BCCIP: variants seen among roughly 807,000 people sequenced by gnomAD.
BCCIP encodes the protein BRCA2 and CDKN1A interacting protein.
Under a neutral mutation model 32.8 loss-of-function variants are expected in BCCIP, and 23 were observed. The observed-to-expected ratio is 0.70, with a 90% confidence interval of 0.51 to 0.99. The LOEUF (loss-of-function observed/expected upper bound fraction) is 0.99, where lower values mean the gene tolerates loss of function less well. Ranked by LOEUF, BCCIP falls within the 50% of genes least tolerant of loss-of-function variation. The pLI, the probability that BCCIP is intolerant of heterozygous loss-of-function variation, is 0.00. For missense variants in BCCIP, 378 were observed against 379.8 expected (o/e 1.00, Z 0.04); for synonymous variants, 144 against 137.6 (o/e 1.05, Z -0.33).
At chr10:125,848,801 C>T (rs1944055402) in intron 7 of BCCIP, among the ~76,000 whole-genome samples, 1 of 152,122 alleles carries the variant, frequency 6.6e-6, no homozygotes, top group Admixed American at 6.6e-5. Flanking sequence ...ATTTACTATA[C>T]ACCAGTCACT....
downstream of BCCIP, chr10:125,839,302 G>T: frequency 9.3e-7 from 1 of 1,071,244 alleles, no homozygotes; most frequent in Non-Finnish European, 1.3e-6. Context: ...TACAAAGGAG[G>T]CCACGTAGGT....
At chr10:125,848,003 G>C (rs1944045025) in intron 7 of BCCIP, among the ~76,000 whole-genome samples, 1 of 152,206 alleles carries the variant, frequency 6.6e-6, no homozygotes, top group South Asian at 2.1e-4. Flanking sequence ...CACTGCCTAG[G>C]GGTTGGGGAC....
At position 125,836,149 on chromosome 10, in the gene BCCIP, A is replaced by T. The variant is rs748541630; in HGVS notation, c.820A>T (p.Thr274Ser). The T allele has an allele frequency of 1.9e-6, 3 of 1,614,234 alleles. No individual in the cohort carries two copies. In the Admixed American group the frequency reaches 5.0e-5, roughly 27 times the overall value. Reference protein sequence around the residue: ...FNYSVQEESDTCLGGKWSFDD... With the variant: ...FNYSVQEESDSCLGGKWSFDD... Reference sequence around the variant, plus strand: ...CTACTCAGTGCAGGAGGAGAGCGACACTTGTCTGGGAGGCAAATGGTCTTT... The same window carrying T: ...CTACTCAGTGCAGGAGGAGAGCGACTCTTGTCTGGGAGGCAAATGGTCTTT... Residue 274 changes from threonine to serine, a missense_variant, in exon 7 of 7, where the codon ACT becomes TCT. Transcript: ENST00000278100.
chr10:125,847,104 T>C (rs1564824558), downstream of BCCIP, among the ~76,000 whole-genome samples: 1 of 152,180 alleles, frequency 6.6e-6, no homozygotes, highest in Non-Finnish European at 1.5e-5. Context: ...GGGGAGACTC[T>C]ACACATTTGC....
intron 6 of BCCIP, among the ~76,000 whole-genome samples, chr10:125,834,313 G>A (rs1265612665): frequency 6.6e-6 from 1 of 152,176 alleles, no homozygotes; most frequent in Non-Finnish European, 1.5e-5. Flanking sequence ...TAAGGCATAG[G>A]GAAATGAGGG....
intron 7 of BCCIP, chr10:125,852,196 G>T: frequency 6.9e-7 from 1 of 1,440,482 alleles, no homozygotes; most frequent in Non-Finnish European, 9.4e-7. Context: ...CCATGCTTGT[G>T]TGCATTGCTG....
At chr10:125,836,802 C>G, downstream of BCCIP, 1 of 1,614,144 alleles carries the variant, frequency 6.2e-7, no homozygotes, top group Non-Finnish European at 8.5e-7. Flanking sequence ...AATGTCCTTA[C>G]TTTCACTAGG....
At position 125,834,182 on chromosome 10, in the gene BCCIP, G is replaced by GAGA. The variant is rs1242087217; in HGVS notation, c.774+238_774+240dup. 2.0e-5 allele frequency among the ~76,000 whole-genome samples: 3 copies of GAGA among 152,174 alleles called. No individual in the cohort carries two copies. In the East Asian group the frequency reaches 5.8e-4, roughly 29 times the overall value. ...TGGTTATGAGCATGAGGAGGAGGAG[G>GAGA]AGAAAAGTGATTAACCTGTTAAGAA... On this transcript the variant is annotated intron_variant, in intron 6 of 6. Coordinates refer to ENST00000278100, the MANE Select transcript of BCCIP (RefSeq NM_078468.3).
At position 125,823,695 on chromosome 10, in the gene BCCIP, G is replaced by T. The variant is rs182757952; in HGVS notation, c.138G>T (p.Lys46Asn). ...ACGATGATGACAGTGACAAGGAAAA[G>T]GATGAAGAGGACGAGGTCATTGACG... is the stretch of plus-strand genomic sequence containing the variant. ...DEDDDDSDKE[K>N]DEEDEVIDEE... is the part of the protein sequence containing the mutation. Residue 46 changes from lysine to asparagine, a missense_variant, in exon 1 of 7, where the codon AAG becomes AAT. Coordinates refer to ENST00000278100, the MANE Select transcript of BCCIP (RefSeq NM_078468.3). 2.3e-5 allele frequency: 37 copies of T among 1,614,164 alleles called. No individual in the cohort carries two copies. The Admixed American group carries it at 6.0e-4, about 26-fold the overall frequency.
At position 125,830,615 on chromosome 10, in the gene BCCIP, T is replaced by C; in HGVS notation, c.375T>C (p.Phe125=). The C allele has an allele frequency of 1.2e-6, 2 of 1,610,210 alleles. No individual in the cohort carries two copies. The highest frequency in any genetic ancestry group is 1.7e-6 in the Non-Finnish European group (2 of 1,178,040). Residue 125 remains phenylalanine (F), a synonymous_variant, in exon 4 of 7, where the codon TTT becomes TTC. Coordinates refer to ENST00000278100, the MANE Select transcript of BCCIP (RefSeq NM_078468.3). ...ATGATATGGATGAAGATGAGGTTTT[T>C]GGTTTCATAAGCCTTTTAAATTTAA... ...SNDDMDEDEV[F]GFISLLNLTE...
At chr10:125,836,842 C>G (rs1854705438), downstream of BCCIP, 1 of 1,613,882 alleles carries the variant, frequency 6.2e-7, no homozygotes, top group African/African-American at 1.3e-5. Context: ...TATTGTGGTA[C>G]CAGCTGCATA....
Position 125,847,819 on chromosome 10 carries a change from G to A in BCCIP, c.851-5306G>A, listed in dbSNP as rs1191829012. On this transcript the variant is annotated intron_variant, in intron 7 of 7. Coordinates refer to the BCCIP transcript ENST00000368759. ...CAGGCATTAGATTCTCATAAGGAGC[G>A]GGCAGCCTAGATCCCTGGCATGTGC... Among the ~76,000 whole-genome samples the A allele has an allele frequency of 2.0e-5, 3 of 152,000 alleles. 1 individual carries two copies. The highest frequency in any genetic ancestry group is 7.3e-5 in the African/African-American group (3 of 41,358).
chr10:125,837,390 A>G (rs547799892), downstream of BCCIP, among the ~76,000 whole-genome samples: 1 of 152,246 alleles, frequency 6.6e-6, no homozygotes, highest in South Asian at 2.1e-4. Context: ...CACTCTTGCC[A>G]TTGCCCCTCC....
At chr10:125,852,736 T>A in intron 7 of BCCIP, 1 of 1,108,142 alleles carries the variant, frequency 9.0e-7, no homozygotes, top group Non-Finnish European at 1.3e-6. Flanking sequence ...AGTACTTTAC[T>A]CCATGAAATG....
At chr10:125,831,137 C>G (rs746448795) in intron 4 of BCCIP, among the ~76,000 whole-genome samples, 3 of 152,200 alleles carry the variant, frequency 2.0e-5, no homozygotes, top group Non-Finnish European at 4.4e-5. Context: ...ATAAACTGTC[C>G]AGTTACTTCC....
chr10:125,839,392 G>A (rs567815193), downstream of BCCIP, among the ~76,000 whole-genome samples: 2 of 152,350 alleles, frequency 1.3e-5, no homozygotes, highest in East Asian at 1.9e-4. Context: ...GAAGGGAGAC[G>A]GTGCCACCGA....
chr10:125,852,110 G>A (rs1944098325), intron 7 of BCCIP, among the ~76,000 whole-genome samples: 1 of 152,072 alleles, frequency 6.6e-6, no homozygotes, highest in Non-Finnish European at 1.5e-5. Flanking sequence ...CTAGAGGTTT[G>A]TGGGGTTTTA....
chr10:125,851,440 A>C (rs989895554), intron 7 of BCCIP, among the ~76,000 whole-genome samples: 3 of 152,166 alleles, frequency 2.0e-5, no homozygotes, highest in Non-Finnish European at 4.4e-5. Flanking sequence ...TGACATCACC[A>C]AGCCTTCCTT....
intron 1 of BCCIP, among the ~76,000 whole-genome samples, chr10:125,824,998 A>G (rs1564816331): frequency 6.6e-6 from 1 of 152,268 alleles, no homozygotes; most frequent in Non-Finnish European, 1.5e-5. Flanking sequence ...GTATGTGATC[A>G]ATCTTCCTTC....
Sources: allele counts gnomAD v4.1 joint callset (sites outside exome capture counted in the v4.1 genomes callset), GRCh38; gene constraint gnomAD v4.1.1; transcripts MANE v1.5; gene names NCBI Gene and HGNC (gene_info 2026-07-23, HGNC 2026-07-21).